The following TLCD4 variants were observed in gnomAD, a reference collection of about 807,000 sequenced individuals.
The protein encoded by TLCD4 is TLC domain-containing protein 4.
In TLCD4, 7 loss-of-function variants were observed where a neutral mutation model predicts 24.2. That is an observed-to-expected ratio of 0.29 (90% CI 0.16 to 0.54). TLCD4 has a LOEUF of 0.54. TLCD4 is among the 20% of genes least tolerant of loss of function. The probability of loss-of-function intolerance (pLI) is 0.95; values close to 1 mark genes in which losing one functional copy is unlikely to be tolerated. For synonymous variants in TLCD4, 103 were observed against 106.4 expected (o/e 0.97, Z 0.20); for missense variants, 259 against 313.9 (o/e 0.82, Z 1.32).
intron 5 of TLCD4, among the ~76,000 whole-genome samples, chr1:95,173,396 G>A (rs889374888): frequency 6.6e-6 from 1 of 151,402 alleles, no homozygotes. Flanking sequence ...TGCAAGCTCC[G>A]CCTCCCGGGT....
intron 1 of TLCD4, among the ~76,000 whole-genome samples, chr1:95,121,409 C>T (rs997774333): frequency 5.9e-5 from 9 of 152,206 alleles, no homozygotes; most frequent in Non-Finnish European, 1.0e-4. Flanking sequence ...TGTTTTGAAA[C>T]CCCATTTGCT....
At chr1:95,131,095 A>T (rs1405864537) in intron 1 of TLCD4, among the ~76,000 whole-genome samples, 9 of 152,218 alleles carry the variant, frequency 5.9e-5, no homozygotes, top group Non-Finnish European at 1.2e-4. Flanking sequence ...TACATGGAAG[A>T]CATTGTGTTG....
chr1:95,153,860 T>C (rs2100951852), intron 5 of TLCD4, among the ~76,000 whole-genome samples: 1 of 152,246 alleles, frequency 6.6e-6, no homozygotes, highest in African/African-American at 2.4e-5. Flanking sequence ...AAAGGACTAC[T>C]AAGTGGAAGG....
the TLCD4 span, among the ~76,000 whole-genome samples, chr1:95,103,585 A>G: frequency 2.0e-5 from 3 of 152,228 alleles, no homozygotes; most frequent in South Asian, 2.1e-4. Flanking sequence ...TTACTGTTGT[A>G]ATGGTACAAG....
chr1:95,139,119 G>A (rs1017522484), intron 1 of TLCD4, among the ~76,000 whole-genome samples: 1 of 143,876 alleles, frequency 7.0e-6, no homozygotes, highest in African/African-American at 2.6e-5. Flanking sequence ...AGGTTATAGT[G>A]AGCTATGATT....
chr1:95,155,823 G>T (rs1182886580), intron 5 of TLCD4, among the ~76,000 whole-genome samples: 2 of 150,978 alleles, frequency 1.3e-5, no homozygotes, highest in Admixed American at 6.6e-5. Context: ...GTATTACAGA[G>T]ATTTTGAGCT....
intron 1 of TLCD4, among the ~76,000 whole-genome samples, chr1:95,124,930 G>A (rs748298847): frequency 6.6e-6 from 1 of 152,092 alleles, no homozygotes; most frequent in African/African-American, 2.4e-5. Flanking sequence ...AATCCCGTAA[G>A]TTAGAAAGGA....
chr1:95,122,044 C>T (rs894378442), intron 1 of TLCD4, among the ~76,000 whole-genome samples: 1 of 152,196 alleles, frequency 6.6e-6, no homozygotes, highest in African/African-American at 2.4e-5. Context: ...ACCGAACACT[C>T]CTAGCAGCAA....
chr1:95,174,560 T>C (rs1425718118), intron 6 of TLCD4, among the ~76,000 whole-genome samples: 1 of 150,976 alleles, frequency 6.6e-6, no homozygotes. Context: ...CGATGGTGCT[T>C]GCCTGTAGTT....
At position 95,182,073 on chromosome 1, in the gene TLCD4, A is replaced by G. The variant is rs544174242; in HGVS notation, c.473+8184A>G. ...CGCAGATCTCATTAGAAAAGTCTTT[A>G]AGTATTGAGAGGCTGTCAAGCTCAC... On this transcript the variant is annotated intron_variant, in intron 6 of 6. Coordinates refer to ENST00000370203, the MANE Select transcript of TLCD4 (RefSeq NM_152487.3). 3.3e-5 allele frequency among the ~76,000 whole-genome samples: 5 copies of G among 152,300 alleles called. No individual in the cohort carries two copies. In the East Asian group the frequency reaches 9.6e-4, roughly 29 times the overall value.
At chr1:95,117,954 G>C (rs1676474523) in intron 1 of TLCD4, 1 of 152,190 alleles carries the variant, frequency 6.6e-6, no homozygotes, top group Non-Finnish European at 1.5e-5. Flanking sequence ...CGCGTTTCTC[G>C]GGCTGCACGA....
At chr1:95,185,703 G>A (rs1678808438) in intron 6 of TLCD4, among the ~76,000 whole-genome samples, 1 of 151,936 alleles carries the variant, frequency 6.6e-6, no homozygotes, top group African/African-American at 2.4e-5. Flanking sequence ...AGAAAATAAC[G>A]TTTTTCTCTA....
At chr1:95,183,712 C>T (rs1678727903) in intron 6 of TLCD4, among the ~76,000 whole-genome samples, 1 of 151,938 alleles carries the variant, frequency 6.6e-6, no homozygotes, top group African/African-American at 2.4e-5. Context: ...GGTGTGGTGG[C>T]GCGTAGTCCC....
intron 6 of TLCD4, among the ~76,000 whole-genome samples, chr1:95,184,496 C>G (rs1236193728): frequency 6.6e-6 from 1 of 152,120 alleles, no homozygotes; most frequent in Non-Finnish European, 1.5e-5. Context: ...ACAATTAACT[C>G]CCAGTAAACT....
intron 6 of TLCD4, among the ~76,000 whole-genome samples, chr1:95,191,224 T>G (rs561517766): frequency 6.6e-6 from 1 of 152,236 alleles, no homozygotes; most frequent in Non-Finnish European, 1.5e-5. Flanking sequence ...GAAAAGACTT[T>G]TTTTCTCCAC....
chr1:95,141,707 T>C (rs545492432), intron 1 of TLCD4, among the ~76,000 whole-genome samples: 1 of 151,690 alleles, frequency 6.6e-6, no homozygotes, highest in Non-Finnish European at 1.5e-5. Flanking sequence ...CCAATAAACA[T>C]ATGTTGAATT....
upstream of TLCD4, among the ~76,000 whole-genome samples, chr1:95,115,410 G>T (rs1353850308): frequency 2.0e-5 from 3 of 152,108 alleles, no homozygotes; most frequent in African/African-American, 7.2e-5. Flanking sequence ...ACCCAGCCAT[G>T]AACTGGATAT....
At position 95,196,197 on chromosome 1, in the gene TLCD4, CAG is replaced by C. The variant is rs1451011176; in HGVS notation, c.*4332_*4333del. On this transcript the variant is annotated 3_prime_UTR_variant, in exon 7 of 7. Transcript: ENST00000370203. ...GTTTTTCTTAAACTGGTTTAACAGT[CAG>C]AGCTTTGTAATGTGTTTCAGCTGAA... 2 of 152,090 alleles carry C rather than the reference CAG, an allele frequency of 1.3e-5. No individual in the cohort carries two copies. The highest frequency in any genetic ancestry group is 6.6e-5 in the Admixed American group (1 of 15,252). The allele number at this position is 152,090 out of a possible 1,614,324, so 9.4% of individuals were successfully genotyped here.
intron 6 of TLCD4, among the ~76,000 whole-genome samples, chr1:95,188,114 G>A (rs1207991714): frequency 1.1e-4 from 17 of 152,248 alleles, no homozygotes; most frequent in African/African-American, 3.4e-4. Flanking sequence ...TTAGCCGGGC[G>A]CGGTAGCTCA....
Sources: allele counts gnomAD v4.1 joint callset (sites outside exome capture counted in the v4.1 genomes callset), GRCh38; gene constraint gnomAD v4.1.1; transcripts MANE v1.5; gene names NCBI Gene and HGNC (gene_info 2026-07-23, HGNC 2026-07-21).